Variants in ITGB3BP observed in about 807,000 individuals in gnomAD.
ITGB3BP encodes centromere protein R.
ITGB3BP carries 27 observed loss-of-function variants against 29.1 expected under a neutral mutation model. The ratio of observed to expected loss-of-function variants is 0.93; its 90% CI spans 0.68 to 1.28. The LOEUF (loss-of-function observed/expected upper bound fraction) is 1.28. ITGB3BP is among the 50% of genes most tolerant of loss of function. The pLI, the probability that ITGB3BP is intolerant of heterozygous loss-of-function variation, is 0.00. For synonymous variants in ITGB3BP, 61 were observed against 61.4 expected, an observed-to-expected ratio of 0.99 and a Z score of 0.03; for missense variants, 192 against 200.2, an observed-to-expected ratio of 0.96 and a Z score of 0.25.
intron 1 of ITGB3BP, among the ~76,000 whole-genome samples, chr1:63,519,921 C>T (rs1413257148): frequency 2.0e-5 from 3 of 152,020 alleles, no homozygotes; most frequent in African/African-American, 7.2e-5. Context: ...GTTACTGTTA[C>T]GAATAGTTTT....
chr1:63,506,625 C>T (rs1251037662), intron 2 of ITGB3BP, among the ~76,000 whole-genome samples: 2 of 152,142 alleles, frequency 1.3e-5, no homozygotes, highest in African/African-American at 4.8e-5. Flanking sequence ...CATCATGAAG[C>T]ATTAATCTCC....
At chr1:63,506,744 T>C (rs1646089783) in intron 2 of ITGB3BP, among the ~76,000 whole-genome samples, 1 of 152,170 alleles carries the variant, frequency 6.6e-6, no homozygotes, top group Non-Finnish European at 1.5e-5. Flanking sequence ...AACTGGCATA[T>C]AAGGGCCATC....
At chr1:63,461,065 C>A (rs1219037722) in intron 4 of ITGB3BP, among the ~76,000 whole-genome samples, 2 of 147,420 alleles carry the variant, frequency 1.4e-5, no homozygotes, top group Non-Finnish European at 3.0e-5. Flanking sequence ...TGGTGAAACC[C>A]CGTCTCTACT....
chr1:63,505,287 G>C (rs1389333257), intron 2 of ITGB3BP, among the ~76,000 whole-genome samples: 1 of 152,148 alleles, frequency 6.6e-6, no homozygotes, highest in African/African-American at 2.4e-5. Context: ...AGATTTTCTA[G>C]TTTATTTGCG....
chr1:63,507,038 A>G (rs1270392572), intron 2 of ITGB3BP, among the ~76,000 whole-genome samples: 1 of 152,218 alleles, frequency 6.6e-6, no homozygotes, highest in Non-Finnish European at 1.5e-5. Flanking sequence ...GCCCAGACTT[A>G]ACACCAGAAC....
intron 4 of ITGB3BP, among the ~76,000 whole-genome samples, chr1:63,472,634 T>C (rs113323565): frequency 2.2e-4 from 32 of 148,156 alleles, no homozygotes; most frequent in Non-Finnish European, 1.5e-4. Context: ...CCACGCCTGA[T>C]TGGTTTTCGT....
intron 7 of ITGB3BP, among the ~76,000 whole-genome samples, chr1:63,452,231 T>A (rs1644869834): frequency 6.6e-6 from 1 of 152,196 alleles, no homozygotes; most frequent in African/African-American, 2.4e-5. Flanking sequence ...GCATTGACAG[T>A]TCACTTATTT....
chr1:63,507,789 T>C (rs906293888), intron 2 of ITGB3BP, among the ~76,000 whole-genome samples: 78 of 152,322 alleles, frequency 5.1e-4, no homozygotes, highest in African/African-American at 1.7e-3. Context: ...TTTATTGAAA[T>C]GGCATTCATA....
upstream of ITGB3BP, among the ~76,000 whole-genome samples, chr1:63,526,463 T>C (rs1191556111): frequency 6.6e-6 from 1 of 152,198 alleles, no homozygotes; most frequent in East Asian, 1.9e-4. Context: ...AATTTTATAA[T>C]GAATTTTCTT....
intron 4 of ITGB3BP, among the ~76,000 whole-genome samples, chr1:63,466,253 G>C (rs914974650): frequency 4.8e-5 from 7 of 145,912 alleles, no homozygotes; most frequent in African/African-American, 2.0e-4. Context: ...CCTAAGAAAA[G>C]CCTCTTGGCA....
chr1:63,441,743 G>GC (rs1182119693), intron 8 of ITGB3BP, among the ~76,000 whole-genome samples: 5 of 152,152 alleles, frequency 3.3e-5, no homozygotes, highest in African/African-American at 7.2e-5. Flanking sequence ...TCCAACAGCT[G>GC]CCCCCCGCCC....
At chr1:63,479,067 GGTATATTAA>G (rs1277274305) in intron 3 of ITGB3BP, among the ~76,000 whole-genome samples, 1 of 151,446 alleles carries the variant, frequency 6.6e-6, no homozygotes, top group Non-Finnish European at 1.5e-5. Flanking sequence ...ACTGAAGGTT[GGTATATTAA>G]AGAGAAATCA....
At position 63,454,965 on chromosome 1, in the gene ITGB3BP, G is replaced by A; in HGVS notation, c.258C>T (p.Phe86=). Residue 86 remains phenylalanine (F), a synonymous_variant, in exon 5 of 9, where the codon TTC becomes TTT. Transcript: ENST00000271002. This position sits in a 1 kb window ranked among gnomAD's most constrained non-coding sequence, Gnocchi z 4.1. ...TCTCAACTTTTGATAGCAACATCAT[G>A]AATCTAGTAATAAAGAAAAAGACAA... ...KESTTKDNDE[F]MMLLSKVEKL... 1.3e-6 allele frequency: 2 copies of A among 1,490,784 alleles called. No homozygotes were observed. The highest frequency in any genetic ancestry group is 1.9e-6 in the Non-Finnish European group (2 of 1,069,968). The allele number at this position is 1,490,784 out of a possible 1,614,324, so 92.3% of individuals were successfully genotyped here. A position where few individuals can be genotyped will look rare whatever the true frequency, so the allele number is the denominator to read the frequency against.
Position 63,454,012 on chromosome 1 carries a change from A to G in ITGB3BP, c.428-38T>C, listed in dbSNP as rs374961230. On this transcript the variant is annotated intron_variant, in intron 6 of 8. Coordinates refer to ENST00000271002, the MANE Select transcript of ITGB3BP (RefSeq NM_014288.5). The surrounding 1 kb of genome is among the most constrained non-coding windows in gnomAD (Gnocchi z 4.1). ...AAAATCCCATGTCAAGAATTAACAT[A>G]GAATATGGATAATTTCTCAATACTT... 1.7e-6 allele frequency: 2 copies of G among 1,181,178 alleles called. No homozygotes were observed. The highest frequency in any genetic ancestry group is 2.5e-6 in the Non-Finnish European group (2 of 803,518). 73.2% of individuals were successfully genotyped at this position (1,181,178 alleles called of 1,614,324 possible).
intron 4 of ITGB3BP, among the ~76,000 whole-genome samples, chr1:63,476,015 G>T (rs373354523): frequency 8.2e-6 from 1 of 122,630 alleles, no homozygotes. Flanking sequence ...AAAAAAAAAA[G>T]AAACGTATCA....
At chr1:63,520,595 A>C (rs1311844909) in intron 1 of ITGB3BP, among the ~76,000 whole-genome samples, 1 of 152,206 alleles carries the variant, frequency 6.6e-6, no homozygotes, top group Admixed American at 6.5e-5. Flanking sequence ...AAAACATTTT[A>C]AGTAGTACAT....
upstream of ITGB3BP, chr1:63,525,594 G>C: frequency 6.4e-7 from 1 of 1,569,108 alleles, no homozygotes; most frequent in South Asian, 1.2e-5. Flanking sequence ...TCCACGAAGC[G>C]ATGCAACTTT....
chr1:63,485,065 T>A (rs1645501854), intron 3 of ITGB3BP, among the ~76,000 whole-genome samples: 2 of 152,056 alleles, frequency 1.3e-5, no homozygotes, highest in South Asian at 2.1e-4. Flanking sequence ...ATTTGCTTTG[T>A]TTTCTTTTTC....
chr1:63,523,554 G>C (rs530379973), upstream of ITGB3BP: 12 of 252,356 alleles, frequency 4.8e-5, no homozygotes, highest in South Asian at 5.5e-4. Flanking sequence ...GAAAGGCCGA[G>C]ATCTGTCCAG....
Sources: allele counts gnomAD v4.1 joint callset (sites outside exome capture counted in the v4.1 genomes callset), GRCh38; gene constraint gnomAD v4.1.1; non-coding constraint Gnocchi (gnomAD v3.1); transcripts MANE v1.5; gene names NCBI Gene and HGNC (gene_info 2026-07-23, HGNC 2026-07-21).